The following HULC variants were observed in gnomAD, a reference collection of about 807,000 sequenced individuals.
The protein encoded by HULC is hepatocellular carcinoma associated transcript 1 (non-protein coding).
Position 8,653,059 on chromosome 6 carries a change from G to A in HULC, n.313+105845G>A, listed in dbSNP as rs2113785108. 1 of 152,232 alleles carries A rather than the reference G, an allele frequency of 6.6e-6. No individual in the cohort carries two copies. The highest frequency in any genetic ancestry group is 1.9e-4 in the East Asian group (1 of 5,172). 9.4% of individuals were successfully genotyped at this position (152,232 alleles called of 1,614,324 possible). On this transcript the variant is annotated intron_variant and non_coding_transcript_variant, in intron 3 of 8. Transcript: ENST00000645747. The surrounding 1 kb of genome is among the most constrained non-coding windows in gnomAD (Gnocchi z 4.3). ...CAACACAGCACCAGAATATTACCTA[G>A]GATTATATTCGACCTGTTTCAGTGC...
chr6:8,653,654 A>C lies in HULC; in HGVS notation n.313+106440A>C, dbSNP rs1461812689. The C allele has an allele frequency of 6.6e-6, 1 of 152,248 alleles. No homozygotes were observed. Among genetic ancestry groups the C allele is most frequent in the African/African-American group, 2.4e-5 (1 of 41,482 alleles). 9.4% of individuals were successfully genotyped at this position (152,248 alleles called of 1,614,324 possible). A position where few individuals can be genotyped will look rare whatever the true frequency, so the allele number is the denominator to read the frequency against. On this transcript the variant is annotated intron_variant and non_coding_transcript_variant, in intron 3 of 8. Coordinates refer to ENST00000645747, the Ensembl canonical transcript of HULC. The surrounding 1 kb of genome is among the most constrained non-coding windows in gnomAD (Gnocchi z 4.3). Reference sequence around the variant, plus strand: ...AGCATCAAGCAAGAAGTTTCCTGGCAATAAACTAAGCACAGCATTATTTTT... The same window carrying C: ...AGCATCAAGCAAGAAGTTTCCTGGCCATAAACTAAGCACAGCATTATTTTT...
rs1767336355 is a variant in HULC at position 8,653,772 on chromosome 6, C to G, written n.313+106558C>G. On this transcript the variant is annotated intron_variant and non_coding_transcript_variant, in intron 3 of 8. Transcript: ENST00000645747. This position sits in a 1 kb window ranked among gnomAD's most constrained non-coding sequence, Gnocchi z 4.3. ...CAAAGAAAAAAATTGGGAAGCATGG[C>G]AAAATATCATCAAAACTGAAACTAG... The G allele has an allele frequency of 6.6e-6, 1 of 151,950 alleles. No homozygotes were observed. The highest frequency in any genetic ancestry group is 1.5e-5 in the Non-Finnish European group (1 of 67,952). 9.4% of individuals were successfully genotyped at this position (151,950 alleles called of 1,614,324 possible).
In HULC at chr6:8,653,068, T is replaced by C. The variant is rs1767323655; in HGVS notation, n.313+105854T>C. 6.6e-6 allele frequency: 1 copy of C among 152,168 alleles called. No homozygotes were observed. Among genetic ancestry groups the C allele is most frequent in the Admixed American group, 6.5e-5 (1 of 15,280 alleles). The allele number at this position is 152,168 out of a possible 1,614,324, so 9.4% of individuals were successfully genotyped here. On this transcript the variant is annotated intron_variant and non_coding_transcript_variant, in intron 3 of 8. Transcript: ENST00000645747. This position sits in a 1 kb window ranked among gnomAD's most constrained non-coding sequence, Gnocchi z 4.3. ...ACCAGAATATTACCTAGGATTATAT[T>C]CGACCTGTTTCAGTGCTACAGAATA... is the stretch of plus-strand genomic sequence containing the variant.
rs570322025 is a variant in HULC at position 8,653,578 on chromosome 6, G to A, written n.313+106364G>A. 3.3e-5 allele frequency: 5 copies of A among 152,264 alleles called. No individual in the cohort carries two copies. In the East Asian group the frequency reaches 7.7e-4, roughly 24 times the overall value. 9.4% of individuals were successfully genotyped at this position (152,264 alleles called of 1,614,324 possible). ...ATGTATCTTTGGAAGAAACTCTGAA[G>A]TAAAGGCCGGAATATTCTTTGTTTA... On this transcript the variant is annotated intron_variant and non_coding_transcript_variant, in intron 3 of 8. Coordinates refer to ENST00000645747, the Ensembl canonical transcript of HULC. The surrounding 1 kb of genome is among the most constrained non-coding windows in gnomAD (Gnocchi z 4.3).
In HULC at chr6:8,653,509, A is replaced by ATAGATGTC. The variant is rs375268260; in HGVS notation, n.313+106297_313+106304dup. 3.3e-5 allele frequency: 5 copies of ATAGATGTC among 152,162 alleles called. No individual in the cohort carries two copies. Among genetic ancestry groups the ATAGATGTC allele is most frequent in the African/African-American group, 1.2e-4 (5 of 41,432 alleles). 9.4% of individuals were successfully genotyped at this position (152,162 alleles called of 1,614,324 possible). A position where few individuals can be genotyped will look rare whatever the true frequency, so the allele number is the denominator to read the frequency against. ...GTCAAGTGATTAATTTTTTATGATG[A>ATAGATGTC]TAGATGTCTTACAACTCTTTCTTTC... On this transcript the variant is annotated intron_variant and non_coding_transcript_variant, in intron 3 of 8. Coordinates refer to ENST00000645747, the Ensembl canonical transcript of HULC. The surrounding 1 kb of genome is among the most constrained non-coding windows in gnomAD (Gnocchi z 4.3).
rs1383105469 is a variant in HULC at position 8,653,852 on chromosome 6, C to T, written n.313+106638C>T. ...AAAATGATGTCCATTCTTAATTCAT[C>T]CTCACAACTGGGCCACTAGTTTTAT... On this transcript the variant is annotated intron_variant and non_coding_transcript_variant, in intron 3 of 8. Coordinates refer to ENST00000645747, the Ensembl canonical transcript of HULC. The surrounding 1 kb of genome is among the most constrained non-coding windows in gnomAD (Gnocchi z 4.3). The T allele has an allele frequency of 6.6e-6, 1 of 152,048 alleles. No homozygotes were observed. Among genetic ancestry groups the T allele is most frequent in the African/African-American group, 2.4e-5 (1 of 41,412 alleles). 9.4% of individuals were successfully genotyped at this position (152,048 alleles called of 1,614,324 possible).
chr6:8,653,247 C>G lies in HULC; in HGVS notation n.313+106033C>G, dbSNP rs1482038716. 6.6e-6 allele frequency: 1 copy of G among 152,076 alleles called. No homozygotes were observed. Among genetic ancestry groups the G allele is most frequent in the Non-Finnish European group, 1.5e-5 (1 of 68,026 alleles). The allele number at this position is 152,076 out of a possible 1,614,324, so 9.4% of individuals were successfully genotyped here. ...TGTTCATTTTTCAATTGTTTAGGGC[C>G]TTGCTGGAATTTAACACAAGGCAGA... On this transcript the variant is annotated intron_variant and non_coding_transcript_variant, in intron 3 of 8. Transcript: ENST00000645747. The surrounding 1 kb of genome is among the most constrained non-coding windows in gnomAD (Gnocchi z 4.3).
chr6:8,653,015 T>C lies in HULC; in HGVS notation n.313+105801T>C, dbSNP rs1456920806. On this transcript the variant is annotated intron_variant and non_coding_transcript_variant, in intron 3 of 8. Coordinates refer to ENST00000645747, the Ensembl canonical transcript of HULC. The surrounding 1 kb of genome is among the most constrained non-coding windows in gnomAD (Gnocchi z 4.3). ...GAAATGTAGTTCCAGTTTGTCTGAA[T>C]TGACCTATTGCAAATCCACAACACA... 1 of 152,240 alleles carries C rather than the reference T, an allele frequency of 6.6e-6. No homozygotes were observed. Among genetic ancestry groups the C allele is most frequent in the Non-Finnish European group, 1.5e-5 (1 of 68,054 alleles). 9.4% of individuals were successfully genotyped at this position (152,240 alleles called of 1,614,324 possible).
At position 8,652,443 on chromosome 6, in the gene HULC, CGGACTGAGACACGTGAAGGT is replaced by C. The variant is rs1429346826; in HGVS notation, n.313+105242_313+105261del. ...TTGTTATTTTTTATAGCAGCCTAAG[CGGACTGAGACACGTGAAGGT>C]GGACTGAGACACATGAAGCAGTCAG... On this transcript the variant is annotated intron_variant and non_coding_transcript_variant, in intron 3 of 8. Transcript: ENST00000645747. This position sits in a 1 kb window ranked among gnomAD's most constrained non-coding sequence, Gnocchi z 5.0. The C allele has an allele frequency of 2.0e-5, 3 of 152,256 alleles. No homozygotes were observed. Among genetic ancestry groups the C allele is most frequent in the Non-Finnish European group, 4.4e-5 (3 of 68,116 alleles). 9.4% of individuals were successfully genotyped at this position (152,256 alleles called of 1,614,324 possible).
rs920847311 is a variant in HULC at position 8,653,034 on chromosome 6, C to A, written n.313+105820C>A. The A allele has an allele frequency of 6.6e-6, 1 of 152,204 alleles. No homozygotes were observed. Among genetic ancestry groups the A allele is most frequent in the Non-Finnish European group, 1.5e-5 (1 of 68,056 alleles). 9.4% of individuals were successfully genotyped at this position (152,204 alleles called of 1,614,324 possible). ...TCTGAATTGACCTATTGCAAATCCA[C>A]AACACAGCACCAGAATATTACCTAG... On this transcript the variant is annotated intron_variant and non_coding_transcript_variant, in intron 3 of 8. Coordinates refer to ENST00000645747, the Ensembl canonical transcript of HULC. The surrounding 1 kb of genome is among the most constrained non-coding windows in gnomAD (Gnocchi z 4.3).
rs1324585742 is a variant in HULC, at chr6:8,652,461, G to C, written n.313+105247G>C. 1 of 152,272 alleles carries C rather than the reference G, an allele frequency of 6.6e-6. No individual in the cohort carries two copies. The highest frequency in any genetic ancestry group is 1.5e-5 in the Non-Finnish European group (1 of 68,096). The allele number at this position is 152,272 out of a possible 1,614,324, so 9.4% of individuals were successfully genotyped here. On this transcript the variant is annotated intron_variant and non_coding_transcript_variant, in intron 3 of 8. Coordinates refer to ENST00000645747, the Ensembl canonical transcript of HULC. This position sits in a 1 kb window ranked among gnomAD's most constrained non-coding sequence, Gnocchi z 5.0. ...GCCTAAGCGGACTGAGACACGTGAAGGTGGACTGAGACACATGAAGCAGTC... is the reference window on the plus strand; with the variant it reads ...GCCTAAGCGGACTGAGACACGTGAACGTGGACTGAGACACATGAAGCAGTC...
rs1767335170 is a variant in HULC at position 8,653,715 on chromosome 6, AT to A, written n.313+106504del. Reference sequence around the variant, plus strand: ...AAATTAAGTGTTCAACCTGTGGCAAATTTGTACTTTCTCCCTGAATTATGTT... The same window carrying A: ...AAATTAAGTGTTCAACCTGTGGCAAATTGTACTTTCTCCCTGAATTATGTT... On this transcript the variant is annotated intron_variant and non_coding_transcript_variant, in intron 3 of 8. Transcript: ENST00000645747. This position sits in a 1 kb window ranked among gnomAD's most constrained non-coding sequence, Gnocchi z 4.3. 1 of 152,202 alleles carries A rather than the reference AT, an allele frequency of 6.6e-6. No individual in the cohort carries two copies. The highest frequency in any genetic ancestry group is 1.5e-5 in the Non-Finnish European group (1 of 68,028). The allele number at this position is 152,202 out of a possible 1,614,324, so 9.4% of individuals were successfully genotyped here.
Position 8,653,807 on chromosome 6 carries a change from A to C in HULC, n.313+106593A>C, listed in dbSNP as rs200234652. On this transcript the variant is annotated intron_variant and non_coding_transcript_variant, in intron 3 of 8. Transcript: ENST00000645747. The surrounding 1 kb of genome is among the most constrained non-coding windows in gnomAD (Gnocchi z 4.3). ...TCAAAACTGAAACTAGAATTAAACA[A>C]AACTAAATTAAAATGAAATAAAATG... The C allele has an allele frequency of 6.6e-6, 1 of 152,158 alleles. No individual in the cohort carries two copies. The highest frequency in any genetic ancestry group is 1.9e-4 in the East Asian group (1 of 5,184). 9.4% of individuals were successfully genotyped at this position (152,158 alleles called of 1,614,324 possible). A position where few individuals can be genotyped will look rare whatever the true frequency, so the allele number is the denominator to read the frequency against.
Position 8,653,784 on chromosome 6 carries a change from A to T in HULC, n.313+106570A>T, listed in dbSNP as rs1256820923. 1 of 152,188 alleles carries T rather than the reference A, an allele frequency of 6.6e-6. No individual in the cohort carries two copies. Among genetic ancestry groups the T allele is most frequent in the African/African-American group, 2.4e-5 (1 of 41,458 alleles). 9.4% of individuals were successfully genotyped at this position (152,188 alleles called of 1,614,324 possible). A position where few individuals can be genotyped will look rare whatever the true frequency, so the allele number is the denominator to read the frequency against. ...TTGGGAAGCATGGCAAAATATCATC[A>T]AAACTGAAACTAGAATTAAACAAAA... On this transcript the variant is annotated intron_variant and non_coding_transcript_variant, in intron 3 of 8. Transcript: ENST00000645747. This position sits in a 1 kb window ranked among gnomAD's most constrained non-coding sequence, Gnocchi z 4.3.
In HULC at chr6:8,653,649, C is replaced by T. The variant is rs1330695841; in HGVS notation, n.313+106435C>T. 2.6e-5 allele frequency: 4 copies of T among 152,068 alleles called. No individual in the cohort carries two copies. Among genetic ancestry groups the T allele is most frequent in the Non-Finnish European group, 5.9e-5 (4 of 68,012 alleles). 9.4% of individuals were successfully genotyped at this position (152,068 alleles called of 1,614,324 possible). On this transcript the variant is annotated intron_variant and non_coding_transcript_variant, in intron 3 of 8. Transcript: ENST00000645747. The surrounding 1 kb of genome is among the most constrained non-coding windows in gnomAD (Gnocchi z 4.3). ...ACCAAAGCATCAAGCAAGAAGTTTC[C>T]TGGCAATAAACTAAGCACAGCATTA...
In HULC at chr6:8,652,336, C is replaced by G. The variant is rs1437796593; in HGVS notation, n.313+105122C>G. The G allele has an allele frequency of 1.3e-5, 2 of 152,288 alleles. No homozygotes were observed. Among genetic ancestry groups the G allele is most frequent in the African/African-American group, 2.4e-5 (1 of 41,440 alleles). 9.4% of individuals were successfully genotyped at this position (152,288 alleles called of 1,614,324 possible). A position where few individuals can be genotyped will look rare whatever the true frequency, so the allele number is the denominator to read the frequency against. ...AGCCAGGAAGAGTCGTCACGAGAAC[C>G]AGACCATGCAGGAACTCTGATCGTG... On this transcript the variant is annotated intron_variant and non_coding_transcript_variant, in intron 3 of 8. Transcript: ENST00000645747. This position sits in a 1 kb window ranked among gnomAD's most constrained non-coding sequence, Gnocchi z 5.0.
rs1292172831 is a variant in HULC at position 8,653,324 on chromosome 6, C to CT, written n.313+106118dup. ...TTATATAAAATTGATGCTTTTCTCT[C>CT]TTTTTTTTAATCATTGAAAAGTGAA... On this transcript the variant is annotated intron_variant and non_coding_transcript_variant, in intron 3 of 8. Transcript: ENST00000645747. The surrounding 1 kb of genome is among the most constrained non-coding windows in gnomAD (Gnocchi z 4.3). Among the ~76,000 whole-genome samples, 3 of 151,806 alleles carry CT rather than the reference C, an allele frequency of 2.0e-5. No individual in the cohort carries two copies. The highest frequency in any genetic ancestry group is 4.8e-5 in the African/African-American group (2 of 41,280).
At position 8,652,548 on chromosome 6, in the gene HULC, G is replaced by C. The variant is rs1235491050; in HGVS notation, n.313+105334G>C. 1 of 152,564 alleles carries C rather than the reference G, an allele frequency of 6.6e-6. No homozygotes were observed. Among genetic ancestry groups the C allele is most frequent in the Admixed American group, 6.5e-5 (1 of 15,272 alleles). The allele number at this position is 152,564 out of a possible 1,614,324, so 9.5% of individuals were successfully genotyped here. ...CTTTAAGTCCACGGGGCAGGAAGTT[G>C]GGAGAAAAGAGGGCGTGAAATAGAG... is the stretch of plus-strand genomic sequence containing the variant. On this transcript the variant is annotated intron_variant and non_coding_transcript_variant, in intron 3 of 8. Coordinates refer to ENST00000645747, the Ensembl canonical transcript of HULC. The surrounding 1 kb of genome is among the most constrained non-coding windows in gnomAD (Gnocchi z 5.0).
chr6:8,653,833 A>T lies in HULC; in HGVS notation n.313+106619A>T, dbSNP rs1477904745. The T allele has an allele frequency of 6.6e-6, 1 of 152,156 alleles. No individual in the cohort carries two copies. Among genetic ancestry groups the T allele is most frequent in the Admixed American group, 6.5e-5 (1 of 15,276 alleles). 9.4% of individuals were successfully genotyped at this position (152,156 alleles called of 1,614,324 possible). ...AACTAAATTAAAATGAAATAAAATGATGTCCATTCTTAATTCATCCTCACA... is the reference window on the plus strand; with the variant it reads ...AACTAAATTAAAATGAAATAAAATGTTGTCCATTCTTAATTCATCCTCACA... On this transcript the variant is annotated intron_variant and non_coding_transcript_variant, in intron 3 of 8. Transcript: ENST00000645747. This position sits in a 1 kb window ranked among gnomAD's most constrained non-coding sequence, Gnocchi z 4.3.
Sources: gnomAD v4.1 joint callset for allele counts (sites outside exome capture counted in the v4.1 genomes callset) on GRCh38, gnomAD v4.1.1 for gene constraint, Gnocchi (gnomAD v3.1) non-coding constraint, MANE v1.5 for transcripts, NCBI Gene and HGNC (gene_info 2026-07-23, HGNC 2026-07-21) for gene names.